PCDHGA1: variants seen among roughly 807,000 people sequenced by gnomAD.
The protein encoded by PCDHGA1 is protocadherin gamma subfamily A, 1, also known as protocadherin gamma-A1.
PCDHGA1 carries 32 observed loss-of-function variants against 58.0 expected under a neutral mutation model. The observed-to-expected ratio is 0.55, with a 90% CI of 0.42 to 0.74. The LOEUF (loss-of-function observed/expected upper bound fraction) is 0.74. Among genes scored for constraint, PCDHGA1 ranks in the 30% least tolerant of loss-of-function variants. PCDHGA1 has a pLI of 0.00. For missense variants in PCDHGA1, 1,205 were observed against 1,182.3 expected (o/e 1.02, Z -0.28); for synonymous variants, 498 against 501.1 (o/e 0.99, Z 0.08).
At chr5:141,356,896 A>G in intron 1 of PCDHGA1, 2 of 1,614,052 alleles carry the variant, frequency 1.2e-6, no homozygotes, top group Non-Finnish European at 1.7e-6. Flanking sequence ...CCTGTACCCC[A>G]CCTTCCCTAC....
chr5:141,499,089 A>G (rs1417307590), intron 2 of PCDHGA1, among the ~76,000 whole-genome samples: 2 of 152,116 alleles, frequency 1.3e-5, no homozygotes, highest in Non-Finnish European at 1.5e-5. Context: ...CCTGCTTGGC[A>G]CATGCTTCTC....
At chr5:141,353,702 T>C (rs937146856) in intron 1 of PCDHGA1, among the ~76,000 whole-genome samples, 10 of 152,372 alleles carry the variant, frequency 6.6e-5, no homozygotes, top group Middle Eastern at 3.4e-3. Flanking sequence ...TCCATACTTC[T>C]TGTTTCTTTA....
At chr5:141,497,848 T>C (rs2099779951) in intron 2 of PCDHGA1, among the ~76,000 whole-genome samples, 1 of 152,178 alleles carries the variant, frequency 6.6e-6, no homozygotes, top group South Asian at 2.1e-4. Flanking sequence ...AACAAACATT[T>C]TTGATTCAGC....
In PCDHGA1 at chr5:141,355,301, C is replaced by T. The variant is rs1426106263; in HGVS notation, c.2421+22196C>T. On this transcript the variant is annotated intron_variant, in intron 1 of 3. Coordinates refer to ENST00000517417, the MANE Select transcript of PCDHGA1 (RefSeq NM_018912.3). ...ATCAGGGCCGAACAGATTCTCTACT[C>T]GGTGTTTGAGGAGCAGGAAGAAGGC... 1.9e-5 allele frequency: 31 copies of T among 1,613,786 alleles called. No homozygotes were observed. In the Admixed American group the frequency reaches 4.7e-4, roughly 24 times the overall value.
rs1241061038 is a variant in PCDHGA1 at position 141,394,846 on chromosome 5, T to C, written c.2421+61741T>C. ...GAAGTCCTGACCGAGTTGGGCAGTC[T>C]GAAGCCTTCGGTCGACCCGAACGAT... On this transcript the variant is annotated intron_variant, in intron 1 of 3. Coordinates refer to ENST00000517417, the MANE Select transcript of PCDHGA1 (RefSeq NM_018912.3). The C allele has an allele frequency of 1.9e-6, 3 of 1,613,732 alleles. No homozygotes were observed. In the African/African-American group the frequency reaches 4.0e-5, roughly 22 times the overall value.
chr5:141,378,227 A>G (rs1774726852), intron 1 of PCDHGA1: 1 of 152,200 alleles, frequency 6.6e-6, no homozygotes, highest in Non-Finnish European at 1.5e-5. Flanking sequence ...GCCTGATAGT[A>G]TTTAAGAGTG....
intron 1 of PCDHGA1, chr5:141,439,898 C>T (rs1428014089): frequency 6.6e-6 from 1 of 152,344 alleles, no homozygotes; most frequent in African/African-American, 2.4e-5. Context: ...ACCAAGGCGA[C>T]TACTGCCTCC....
At position 141,491,489 on chromosome 5, in the gene PCDHGA1, A is replaced by T; in HGVS notation, c.2422-3318A>T. 1.2e-6 allele frequency: 2 copies of T among 1,614,130 alleles called. No individual in the cohort carries two copies. Among genetic ancestry groups the T allele is most frequent in the Non-Finnish European group, 1.7e-6 (2 of 1,180,018 alleles). On this transcript the variant is annotated intron_variant, in intron 1 of 3. Coordinates refer to ENST00000517417, the MANE Select transcript of PCDHGA1 (RefSeq NM_018912.3). This position sits in a 1 kb window ranked among gnomAD's most constrained non-coding sequence, Gnocchi z 6.9. ...TATAAGCAGTCCAGCCCCAACCTGC[A>T]GGTGAGCTCGGACGGCACGCTCAAG... is the stretch of plus-strand genomic sequence containing the variant.
At chr5:141,382,840 A>C in intron 1 of PCDHGA1, 1 of 1,450,368 alleles carries the variant, frequency 6.9e-7, no homozygotes, top group Admixed American at 2.3e-5. Flanking sequence ...CCACCCGGAT[A>C]CACCCGCATT....
chr5:141,375,200 G>C (rs755732164), intron 1 of PCDHGA1: 3 of 1,613,940 alleles, frequency 1.9e-6, no homozygotes, highest in Non-Finnish European at 2.5e-6. Flanking sequence ...TCAAGTGTTC[G>C]ATCGAGACTC....
intron 1 of PCDHGA1, chr5:141,398,897 C>G (rs761364649): frequency 2.1e-5 from 34 of 1,613,932 alleles, no homozygotes; most frequent in Non-Finnish European, 2.8e-5. Context: ...AACGTGCCAC[C>G]AGGCACCACT....
chr5:141,395,019 C>T (rs374672662), intron 1 of PCDHGA1: 5 of 1,613,986 alleles, frequency 3.1e-6, no homozygotes, highest in South Asian at 1.1e-5. Context: ...GGTAGGCGTG[C>T]CTGCCTCACA....
chr5:141,471,568 A>G (rs947450908), intron 1 of PCDHGA1: 3 of 152,214 alleles, frequency 2.0e-5, no homozygotes, highest in Non-Finnish European at 2.9e-5. Context: ...CAGGGGTAGC[A>G]GTAGATAGGG....
chr5:141,372,098 G>C (rs2149999180), intron 1 of PCDHGA1: 1 of 1,613,794 alleles, frequency 6.2e-7, no homozygotes, highest in Middle Eastern at 1.7e-4. Flanking sequence ...CAGCTCTGGG[G>C]CCCGAAGGCT....
At chr5:141,388,742 G>C (rs1340234849) in intron 1 of PCDHGA1, 1 of 1,613,886 alleles carries the variant, frequency 6.2e-7, no homozygotes, top group Non-Finnish European at 8.5e-7. Context: ...AAGCTAGCCA[G>C]ATCACCCAAT....
chr5:141,452,844 C>T (rs1239022315), intron 1 of PCDHGA1, among the ~76,000 whole-genome samples: 1 of 152,204 alleles, frequency 6.6e-6, no homozygotes, highest in Non-Finnish European at 1.5e-5. Context: ...CCAGCCCACA[C>T]TCTGGGGAGA....
In PCDHGA1 at chr5:141,330,967, C is replaced by T; in HGVS notation, c.283C>T (p.Leu95Phe). Residue 95 changes from leucine (L) to phenylalanine (F), a missense_variant, in exon 1 of 4, where the codon CTC becomes TTC. Leu to Phe is a conservative substitution (Grantham distance 22). Transcript: ENST00000517417. ...ITARRIDREELCAQSMPCLVS... is the reference protein window; with the variant it reads ...ITARRIDREEFCAQSMPCLVS... ...CGCGCGCAGGATAGACCGGGAGGAGCTCTGCGCTCAGAGCATGCCGTGTCT... is the reference window on the plus strand; with the variant it reads ...CGCGCGCAGGATAGACCGGGAGGAGTTCTGCGCTCAGAGCATGCCGTGTCT... 1 of 1,614,196 alleles carries T rather than the reference C, an allele frequency of 6.2e-7. No individual in the cohort carries two copies. Among genetic ancestry groups the T allele is most frequent in the Non-Finnish European group, 8.5e-7 (1 of 1,180,040 alleles).
In PCDHGA1 at chr5:141,488,647, T is replaced by TG. The variant is rs535492979; in HGVS notation, c.2422-6155dup. ...CTCACCTTAGCAGCATTCAGCAGGA[T>TG]GGGGGAGGGTGGGGGAATACATGGG... On this transcript the variant is annotated intron_variant, in intron 1 of 3. Transcript: ENST00000517417. Among the ~76,000 whole-genome samples, 173 of 152,088 alleles carry TG rather than the reference T, an allele frequency of 1.1e-3. 1 individual carries two copies. Among genetic ancestry groups the TG allele is most frequent in the African/African-American group, 3.9e-3 (160 of 41,492 alleles).
intron 1 of PCDHGA1, chr5:141,408,864 C>T: frequency 1.2e-6 from 2 of 1,613,638 alleles, no homozygotes; most frequent in Non-Finnish European, 8.5e-7. Context: ...GGGGACCCAC[C>T]AAGAAGTGCC....
Sources: gnomAD v4.1 joint callset for allele counts (sites outside exome capture counted in the v4.1 genomes callset) on GRCh38, gnomAD v4.1.1 for gene constraint, Gnocchi (gnomAD v3.1) non-coding constraint, MANE v1.5 for transcripts, NCBI Gene and HGNC (gene_info 2026-07-23, HGNC 2026-07-21) for gene names.